Variants in PARM1 observed in about 807,000 individuals in gnomAD.
PARM1 encodes WSC4, cell wall integrity and stress response component 4 homolog.
PARM1 carries 14 observed loss-of-function variants against 24.6 expected under a neutral mutation model. The observed-to-expected ratio is 0.57, with a 90% CI of 0.38 to 0.89. PARM1 has a LOEUF of 0.89. PARM1 is among the 40% of genes least tolerant of loss of function. The probability of loss-of-function intolerance (pLI) is 0.00; values close to 1 mark genes in which losing one functional copy is unlikely to be tolerated. For missense variants in PARM1, 362 were observed against 380.4 expected (o/e 0.95, Z 0.40); for synonymous variants, 179 against 156.6 (o/e 1.14, Z -1.07).
At chr4:75,035,009 A>T (rs1001146821) in intron 3 of PARM1, among the ~76,000 whole-genome samples, 2 of 151,914 alleles carry the variant, frequency 1.3e-5, no homozygotes, top group Non-Finnish European at 2.9e-5. Flanking sequence ...GCTCCCTCCA[A>T]TTCTTAGGAC....
intron 2 of PARM1, among the ~76,000 whole-genome samples, chr4:75,017,129 C>G (rs1188188413): frequency 6.6e-6 from 1 of 152,164 alleles, no homozygotes; most frequent in Non-Finnish European, 1.5e-5. Context: ...TCCCGTCCCT[C>G]TGTCATCTTT....
intron 1 of PARM1, among the ~76,000 whole-genome samples, chr4:75,003,897 C>CTT (rs925428836): frequency 6.6e-6 from 1 of 152,138 alleles, no homozygotes; most frequent in Non-Finnish European, 1.5e-5. Flanking sequence ...CTCTCTCTCT[C>CTT]TTAAATACCT....
intron 1 of PARM1, among the ~76,000 whole-genome samples, chr4:74,964,558 C>A (rs1181284859): frequency 6.6e-6 from 1 of 151,260 alleles, no homozygotes. Context: ...GCAAAGCACA[C>A]ACACACACAC....
At chr4:74,989,341 T>C (rs72860964) in intron 1 of PARM1, among the ~76,000 whole-genome samples, 15,515 of 152,118 alleles carry the variant, frequency 0.1, 1,254 homozygotes, top group African/African-American at 0.22. Flanking sequence ...GATTCCCATA[T>C]CCCCTCCTTG....
chr4:74,986,147 G>A lies in PARM1; in HGVS notation c.44-26278G>A, dbSNP rs186379084. On this transcript the variant is annotated intron_variant, in intron 1 of 3. Coordinates refer to ENST00000307428, the MANE Select transcript of PARM1 (RefSeq NM_015393.4). ...ATTTTGACAATGCATAGAGTCTTTG[G>A]TGCATAATAATTTTAAGATTTATAT... 3.3e-3 allele frequency among the ~76,000 whole-genome samples: 509 copies of A among 152,094 alleles called. 6 individuals carry two copies. The highest frequency in any genetic ancestry group is 0.011 in the African/African-American group (474 of 41,462).
At chr4:74,996,220 A>G (rs190727473) in intron 1 of PARM1, among the ~76,000 whole-genome samples, 166 of 152,038 alleles carry the variant, frequency 1.1e-3, no homozygotes, top group African/African-American at 3.9e-3. Flanking sequence ...ATTATACCAC[A>G]TTCTAACTTC....
In PARM1 at chr4:75,034,035, A is replaced by T; in HGVS notation, c.848+74A>T. ...TCTGGGCTGAGCGCTGTTTTGCTGG[A>T]TACTTGTTCCTTAATAGGTATCTTA... On this transcript the variant is annotated intron_variant, in intron 3 of 3. Transcript: ENST00000307428. 9.0e-6 allele frequency: 11 copies of T among 1,217,900 alleles called. No individual in the cohort carries two copies. In the South Asian group the frequency reaches 1.5e-4, roughly 16 times the overall value. 75.4% of individuals were successfully genotyped at this position (1,217,900 alleles called of 1,614,324 possible).
intron 2 of PARM1, among the ~76,000 whole-genome samples, chr4:75,020,352 T>C (rs1252034997): frequency 1.3e-5 from 2 of 152,140 alleles, no homozygotes; most frequent in Non-Finnish European, 2.9e-5. Context: ...GTTCTCTCTC[T>C]CCCACTCCCT....
intron 1 of PARM1, among the ~76,000 whole-genome samples, chr4:75,003,410 A>T (rs1722717016): frequency 6.6e-6 from 1 of 152,124 alleles, no homozygotes; most frequent in Non-Finnish European, 1.5e-5. Context: ...AATTCACAGC[A>T]CCGTGGGGAG....
intron 1 of PARM1, among the ~76,000 whole-genome samples, chr4:75,011,758 T>C (rs971757962): frequency 3.9e-5 from 6 of 152,310 alleles, no homozygotes; most frequent in African/African-American, 1.4e-4. Flanking sequence ...TCAGAAAATA[T>C]TTCCAAACCT....
intron 1 of PARM1, among the ~76,000 whole-genome samples, chr4:74,987,305 G>A (rs1021725298): frequency 5.3e-5 from 8 of 152,120 alleles, no homozygotes; most frequent in Non-Finnish European, 7.4e-5. Flanking sequence ...ACAGGGTTCA[G>A]GTGTGACCAC....
At chr4:74,999,454 GA>G (rs1213867107) in intron 1 of PARM1, among the ~76,000 whole-genome samples, 1 of 152,140 alleles carries the variant, frequency 6.6e-6, no homozygotes, top group African/African-American at 2.4e-5. Context: ...AGGTGCAGGA[GA>G]CATTAAGCAT....
At chr4:74,935,761 G>A (rs1560768343) in intron 1 of PARM1, among the ~76,000 whole-genome samples, 1 of 152,100 alleles carries the variant, frequency 6.6e-6, no homozygotes, top group African/African-American at 2.4e-5. Context: ...CACATACAAT[G>A]GACACTTGCA....
At chr4:75,018,526 T>A (rs1375865506) in intron 2 of PARM1, among the ~76,000 whole-genome samples, 1 of 152,222 alleles carries the variant, frequency 6.6e-6, no homozygotes, top group African/African-American at 2.4e-5. Context: ...GTCACTTAGC[T>A]ACTCTAACTT....
intron 1 of PARM1, among the ~76,000 whole-genome samples, chr4:75,002,306 G>A (rs1408491774): frequency 6.6e-6 from 1 of 152,180 alleles, no homozygotes; most frequent in Non-Finnish European, 1.5e-5. Flanking sequence ...TTTTTGCCAG[G>A]GGCTGCAGGG....
intron 1 of PARM1, among the ~76,000 whole-genome samples, chr4:75,005,988 C>T (rs1722761766): frequency 6.6e-6 from 1 of 152,170 alleles, no homozygotes; most frequent in Non-Finnish European, 1.5e-5. Context: ...GGCAATGTCA[C>T]TGTGTTTTGA....
intron 1 of PARM1, among the ~76,000 whole-genome samples, chr4:74,962,905 C>T (rs1053774186): frequency 2.6e-5 from 4 of 152,154 alleles, no homozygotes; most frequent in African/African-American, 9.7e-5. Context: ...ACAGTTAACA[C>T]ATCTTAAATT....
At chr4:74,957,504 G>GTTGT (rs1721662250) in intron 1 of PARM1, 1 of 152,126 alleles carries the variant, frequency 6.6e-6, no homozygotes, top group Admixed American at 6.5e-5. Context: ...CTCTGATTTT[G>GTTGT]TTGTTTGATT....
At chr4:74,939,162 C>T (rs1008222149) in intron 1 of PARM1, among the ~76,000 whole-genome samples, 2 of 152,134 alleles carry the variant, frequency 1.3e-5, no homozygotes, top group African/African-American at 4.8e-5. Flanking sequence ...TTCATTTATA[C>T]AGTGACTTTG....
Sources: gnomAD v4.1 joint callset for allele counts (sites outside exome capture counted in the v4.1 genomes callset) on GRCh38, gnomAD v4.1.1 for gene constraint, MANE v1.5 for transcripts, NCBI Gene and HGNC (gene_info 2026-07-23, HGNC 2026-07-21) for gene names.